ASTN2: variants seen among roughly 807,000 people sequenced by gnomAD.
ASTN2 encodes astrotactin 2.
In ASTN2, 54 loss-of-function variants were observed where a neutral mutation model predicts 139.8. That is an observed-to-expected ratio of 0.39 (90% CI 0.31 to 0.48). The LOEUF (loss-of-function observed/expected upper bound fraction) is 0.48. Ranked by LOEUF, ASTN2 falls within the 20% of genes least tolerant of loss-of-function variation. The probability of loss-of-function intolerance (pLI) is 0.95; values close to 1 mark genes in which losing one functional copy is unlikely to be tolerated. For missense variants in ASTN2, 1,565 were observed against 1,725.1 expected (o/e 0.91, Z 1.64); for synonymous variants, 756 against 719.5 (o/e 1.05, Z -0.81).
chr9:117,058,728 G>A (rs763382439), intron 5 of ASTN2, among the ~76,000 whole-genome samples: 4 of 152,270 alleles, frequency 2.6e-5, no homozygotes, highest in East Asian at 1.9e-4. Context: ...AGACATGGAC[G>A]CCATCCTCAT....
chr9:117,183,370 C>T (rs1302260047), intron 3 of ASTN2, among the ~76,000 whole-genome samples: 1 of 152,216 alleles, frequency 6.6e-6, no homozygotes, highest in Non-Finnish European at 1.5e-5. Flanking sequence ...AGGACTTGCT[C>T]ACAATGCACT....
chr9:116,511,540 C>T (rs4837580), intron 19 of ASTN2, among the ~76,000 whole-genome samples: 48,037 of 152,074 alleles, frequency 0.32, 8,893 homozygotes, highest in Admixed American at 0.44. Context: ...GGAGAATTCC[C>T]ACTTTTTCTA....
intron 10 of ASTN2, among the ~76,000 whole-genome samples, chr9:116,864,278 G>A (rs1043907209): frequency 6.6e-6 from 1 of 152,138 alleles, no homozygotes; most frequent in African/African-American, 2.4e-5. Flanking sequence ...AAATCCCACA[G>A]TCTATAAATA....
rs560802109 is a variant in ASTN2, at chr9:117,247,974, A to G, written c.631-33232T>C. On this transcript the variant is annotated intron_variant, in intron 2 of 22. Transcript: ENST00000313400. ...TAGTACCTCTCAGCGACCCCTGCAC[A>G]GTGATCTTTTTATTCTTAGCCTCCA... is the stretch of plus-strand genomic sequence containing the variant. Among the ~76,000 whole-genome samples, 3 of 152,330 alleles carry G rather than the reference A, an allele frequency of 2.0e-5. No homozygotes were observed. The South Asian group carries it at 6.2e-4, about 32-fold the overall frequency.
chr9:116,434,957 T>C (rs1300851387), intron 22 of ASTN2, among the ~76,000 whole-genome samples: 1 of 152,108 alleles, frequency 6.6e-6, no homozygotes, highest in Non-Finnish European at 1.5e-5. Flanking sequence ...CATTTTGGGG[T>C]TTAGTGATTA....
intron 11 of ASTN2, among the ~76,000 whole-genome samples, chr9:116,822,174 T>C (rs1032216249): frequency 1.2e-4 from 14 of 112,648 alleles, no homozygotes; most frequent in African/African-American, 4.7e-4. Context: ...CAAAAATTAA[T>C]TTACAAAAAC....
intron 19 of ASTN2, among the ~76,000 whole-genome samples, chr9:116,590,851 AG>A (rs1418057657): frequency 5.9e-5 from 9 of 152,146 alleles, no homozygotes; most frequent in Admixed American, 3.9e-4. Context: ...CATGGAAAGC[AG>A]TGACCCATTG....
chr9:116,728,402 C>G (rs1828689879), intron 15 of ASTN2, among the ~76,000 whole-genome samples: 1 of 151,890 alleles, frequency 6.6e-6, no homozygotes, highest in African/African-American at 2.4e-5. Context: ...GAGGTCCAGG[C>G]AGAGGGAACG....
At chr9:116,836,570 AGTTTTGTTTTGTTTTGTTTT>A (rs59997144) in intron 11 of ASTN2, among the ~76,000 whole-genome samples, 43 of 150,478 alleles carry the variant, frequency 2.9e-4, no homozygotes, top group African/African-American at 9.5e-4. Context: ...TAGGGAGAGC[AGTTTTGTTTTGTTTTGTTTT>A]GTTTTGTTTT....
intron 13 of ASTN2, among the ~76,000 whole-genome samples, chr9:116,740,317 G>T (rs1829065078): frequency 6.6e-6 from 1 of 152,080 alleles, no homozygotes; most frequent in Non-Finnish European, 1.5e-5. Context: ...GTAGATTCCA[G>T]ATGTGGCCTT....
intron 5 of ASTN2, among the ~76,000 whole-genome samples, chr9:117,061,686 G>A (rs1014849087): frequency 6.6e-6 from 1 of 152,128 alleles, no homozygotes. Context: ...ATGTCAGTCT[G>A]GGCTGTGGCC....
In ASTN2 at chr9:116,801,547, C is replaced by T. The variant is rs1320252667; in HGVS notation, c.2396+4085G>A. Among the ~76,000 whole-genome samples the T allele has an allele frequency of 9.4e-5, 12 of 128,278 alleles. No homozygotes were observed. In the Admixed American group the frequency reaches 9.5e-4, roughly 10 times the overall value. 84.2% of individuals were successfully genotyped at this position (128,278 alleles called of 152,430 possible). A position where few individuals can be genotyped will look rare whatever the true frequency, so the allele number is the denominator to read the frequency against. On this transcript the variant is annotated intron_variant, in intron 13 of 22. Transcript: ENST00000313400. ...TGAGCCAAGATCATGTCACTGCACTCCACATTCCAGCCCAGGCAACAGTGT... is the reference window on the plus strand; with the variant it reads ...TGAGCCAAGATCATGTCACTGCACTTCACATTCCAGCCCAGGCAACAGTGT...
chr9:117,118,693 C>A (rs1410156033), intron 4 of ASTN2, among the ~76,000 whole-genome samples: 3 of 152,122 alleles, frequency 2.0e-5, no homozygotes, highest in Admixed American at 2.0e-4. Context: ...AATTATGTAA[C>A]CCCAGGCTAT....
At chr9:116,961,562 A>G (rs961281314) in intron 10 of ASTN2, among the ~76,000 whole-genome samples, 1 of 152,172 alleles carries the variant, frequency 6.6e-6, no homozygotes, top group African/African-American at 2.4e-5. Flanking sequence ...CTTCCTTTTT[A>G]GGGCTGAATA....
At chr9:116,852,752 A>G (rs1480355589) in intron 11 of ASTN2, among the ~76,000 whole-genome samples, 1 of 152,146 alleles carries the variant, frequency 6.6e-6, no homozygotes, top group African/African-American at 2.4e-5. Flanking sequence ...TAAAAATAAA[A>G]GCATGTTATC....
At chr9:116,689,189 T>A (rs961939748) in intron 16 of ASTN2, among the ~76,000 whole-genome samples, 6 of 152,332 alleles carry the variant, frequency 3.9e-5, no homozygotes, top group Non-Finnish European at 5.9e-5. Context: ...TCAGATACCC[T>A]GGGTTCAAGT....
chr9:117,141,190 G>A lies in ASTN2; in HGVS notation c.1168+136C>T, dbSNP rs537120460. ...GAGCATAGGTCTGCAGCCTCCAAGG[G>A]GATTTATCAGGGAGAAAGTGGCACA... On this transcript the variant is annotated intron_variant, in intron 4 of 22. Transcript: ENST00000313400. The A allele has an allele frequency of 5.7e-4, 545 of 948,144 alleles. 7 individuals carry two copies. The South Asian group carries it at 8.3e-3, about 14-fold the overall frequency. The allele number at this position is 948,144 out of a possible 1,614,324, so 58.7% of individuals were successfully genotyped here.
chr9:117,033,609 C>G (rs570639516), intron 6 of ASTN2, among the ~76,000 whole-genome samples: 10 of 152,254 alleles, frequency 6.6e-5, no homozygotes, highest in African/African-American at 2.2e-4. Context: ...ACCCATATAT[C>G]TGTCTAGTTT....
chr9:116,582,511 G>GACTTCAGATATCA (rs1314976151), intron 19 of ASTN2: 1 of 152,366 alleles, frequency 6.6e-6, no homozygotes. Context: ...AGTAAGTGAT[G>GACTTCAGATATCA]TAACTGAGAC....
Sources: allele counts gnomAD v4.1 joint callset (sites outside exome capture counted in the v4.1 genomes callset), GRCh38; gene constraint gnomAD v4.1.1; transcripts MANE v1.5; gene names NCBI Gene and HGNC (gene_info 2026-07-23, HGNC 2026-07-21).